Variants in ATL1 observed in about 807,000 individuals in gnomAD.
ATL1 encodes the protein atlastin-1.
Under a neutral mutation model 75.5 loss-of-function variants are expected in ATL1, and 31 were observed. That is an observed-to-expected ratio of 0.41 (90% CI 0.31 to 0.55). ATL1 has a LOEUF of 0.55. Ranked by LOEUF, ATL1 falls within the 20% of genes least tolerant of loss-of-function variation. ATL1 has a pLI of 0.27. For missense variants in ATL1, 405 were observed against 662.6 expected (o/e 0.61, Z 4.27); for synonymous variants, 226 against 233.3 (o/e 0.97, Z 0.28).
intron 1 of ATL1, among the ~76,000 whole-genome samples, chr14:50,574,669 C>T (rs1484189074): frequency 6.6e-6 from 1 of 151,860 alleles, no homozygotes; most frequent in Non-Finnish European, 1.5e-5. Flanking sequence ...AACATGTGAA[C>T]ATATTTTCTT....
intron 6 of ATL1, among the ~76,000 whole-genome samples, chr14:50,606,204 T>A (rs1390813239): frequency 3.3e-5 from 5 of 151,912 alleles, no homozygotes. Context: ...AACTAATGAG[T>A]GTTTGGTATT....
At chr14:50,618,867 G>GTA (rs1398019227) in intron 8 of ATL1, among the ~76,000 whole-genome samples, 2 of 146,140 alleles carry the variant, frequency 1.4e-5, no homozygotes, top group Non-Finnish European at 3.0e-5. Flanking sequence ...GTATGTGTGT[G>GTA]TGTGTGTGTG....
At chr14:50,533,266 G>A (rs2038444873) in exon 1 of ATL1, 1 of 152,098 alleles carries the variant, frequency 6.6e-6, no homozygotes, top group Non-Finnish European at 1.5e-5. Flanking sequence ...AAACAAAGGG[G>A]TCACAGACTG....
At chr14:50,609,557 C>A (rs890980556) in intron 6 of ATL1, among the ~76,000 whole-genome samples, 1 of 151,852 alleles carries the variant, frequency 6.6e-6, no homozygotes, top group Admixed American at 6.6e-5. Context: ...ATTCAAGATT[C>A]TTGGACAAGG....
chr14:50,599,376 C>T (rs1167354069), intron 6 of ATL1, among the ~76,000 whole-genome samples: 2 of 152,188 alleles, frequency 1.3e-5, no homozygotes, highest in African/African-American at 4.8e-5. Flanking sequence ...TACCACTTTA[C>T]ACTCATTAAA....
rs1365203113 is a variant in ATL1, at chr14:50,629,989, C to A, written c.1552-6C>A. 6.3e-7 allele frequency: 1 copy of A among 1,591,766 alleles called. No homozygotes were observed. The highest frequency in any genetic ancestry group is 1.1e-5 in the South Asian group (1 of 88,076). On this transcript the variant is annotated splice_polypyrimidine_tract_variant and splice_region_variant and intron_variant, in intron 12 of 13. Coordinates refer to ENST00000358385, the MANE Select transcript of ATL1 (RefSeq NM_015915.5). ...CTTTTTTCTTTTTAATCTGCCTTTG[C>A]CACAGGGAAGTACAAATGAGGTAAG... is the stretch of plus-strand genomic sequence containing the variant.
chr14:50,534,202 G>A (rs901200696), intron 1 of ATL1, among the ~76,000 whole-genome samples: 3 of 152,028 alleles, frequency 2.0e-5, no homozygotes, highest in Admixed American at 6.6e-5. Context: ...TTACACTTGC[G>A]TTACTCCAGG....
chr14:50,567,081 C>T (rs2038911309), intron 1 of ATL1, among the ~76,000 whole-genome samples: 1 of 152,184 alleles, frequency 6.6e-6, no homozygotes, highest in Non-Finnish European at 1.5e-5. Flanking sequence ...CTCCCGAACT[C>T]TTCATCTTGC....
At chr14:50,609,379 A>T (rs2039343302) in intron 6 of ATL1, among the ~76,000 whole-genome samples, 1 of 152,038 alleles carries the variant, frequency 6.6e-6, no homozygotes, top group Non-Finnish European at 1.5e-5. Context: ...TGAGGAGAGC[A>T]TGTGCCAAAT....
chr14:50,625,818 G>A (rs952533887), intron 11 of ATL1, among the ~76,000 whole-genome samples: 2 of 151,470 alleles, frequency 1.3e-5, no homozygotes, highest in African/African-American at 4.9e-5. Flanking sequence ...GCTGAGGCAG[G>A]AGAAGGGCGT....
rs138961167 is a variant in ATL1, at chr14:50,631,097, A to G, written c.1566+1088A>G. 9.5e-3 allele frequency: 2,744 copies of G among 287,942 alleles called. 53 individuals carry two copies. The highest frequency in any genetic ancestry group is 0.039 in the South Asian group (1,254 of 31,912). The allele number at this position is 287,942 out of a possible 1,614,324, so 17.8% of individuals were successfully genotyped here. A position where few individuals can be genotyped will look rare whatever the true frequency, so the allele number is the denominator to read the frequency against. On this transcript the variant is annotated intron_variant, in intron 13 of 13. Transcript: ENST00000358385. ...AACATGGTGAGGCCCCATCTCTACT[A>G]AAAATACAAAAAATTAGCCAGGTGT...
chr14:50,617,631 T>C (rs1278791440), intron 8 of ATL1, among the ~76,000 whole-genome samples: 1 of 152,238 alleles, frequency 6.6e-6, no homozygotes, highest in Non-Finnish European at 1.5e-5. Flanking sequence ...TTCTCAATTA[T>C]TGTGTCAGGT....
chr14:50,588,184 A>G, intron 2 of ATL1, 106 bp downstream of exon 2: 1 of 1,375,918 alleles, frequency 7.3e-7, no homozygotes, highest in Non-Finnish European at 1.0e-6. Flanking sequence ...TATGTACCCT[A>G]TATATGAACC....
chr14:50,631,958 A>C (rs552662649), intron 13 of ATL1: 56 of 261,292 alleles, frequency 2.1e-4, no homozygotes, highest in Admixed American at 3.0e-4. Flanking sequence ...GGCAAAGTAG[A>C]AGCTCACTGC....
intron 1 of ATL1, among the ~76,000 whole-genome samples, chr14:50,546,981 T>TCCCCTAGC (rs2038640962): frequency 6.6e-6 from 1 of 151,978 alleles, no homozygotes; most frequent in Admixed American, 6.6e-5. Flanking sequence ...ATGCTATCCC[T>TCCCCTAGC]CCCCTAGCCC....
chr14:50,632,182 CTG>C (rs760545403), intron 13 of ATL1, 45 bp from the exon 14 acceptor site: 22 of 1,397,372 alleles, frequency 1.6e-5, no homozygotes, highest in Middle Eastern at 1.8e-4. Context: ...AATTTTACAT[CTG>C]TGTGTTTAAT....
intron 11 of ATL1, among the ~76,000 whole-genome samples, chr14:50,625,317 A>T (rs531342583): frequency 6.6e-6 from 1 of 152,334 alleles, no homozygotes; most frequent in South Asian, 2.1e-4. Context: ...TTGGTTCATG[A>T]GGTTTAAGAA....
chr14:50,619,569 G>A (rs145846270), intron 8 of ATL1, among the ~76,000 whole-genome samples: 25 of 152,242 alleles, frequency 1.6e-4, no homozygotes, highest in African/African-American at 2.2e-4. Flanking sequence ...GACTTCTCTC[G>A]TGATCTGTTT....
intron 6 of ATL1, among the ~76,000 whole-genome samples, chr14:50,608,479 G>GTT (rs5808561): frequency 1.3e-5 from 2 of 151,740 alleles, no homozygotes; most frequent in Non-Finnish European, 2.9e-5. Flanking sequence ...CAAGGCTTTT[G>GTT]TTTTTTTGTC....
Sources: allele counts gnomAD v4.1 joint callset (sites outside exome capture counted in the v4.1 genomes callset), GRCh38; gene constraint gnomAD v4.1.1; transcripts MANE v1.5; gene names NCBI Gene and HGNC (gene_info 2026-07-23, HGNC 2026-07-21).